Variants in PSMA1 observed in about 807,000 individuals in gnomAD.
PSMA1 encodes proteasome subunit alpha type-1.
In PSMA1, 3 loss-of-function variants were observed where a neutral mutation model predicts 38.4. The ratio of observed to expected loss-of-function variants is 0.08; its 90% CI spans 0.04 to 0.20. The LOEUF is 0.20. PSMA1 is among the 10% of genes least tolerant of loss of function. PSMA1 has a pLI of 1.00. For missense variants in PSMA1, 227 were observed against 325.3 expected (o/e 0.70, Z 2.32); for synonymous variants, 101 against 107.1 (o/e 0.94, Z 0.35).
intron 1 of PSMA1, among the ~76,000 whole-genome samples, chr11:14,641,289 C>G (rs1853198214): frequency 6.6e-6 from 1 of 151,624 alleles, no homozygotes. Context: ...TTTTTCATGA[C>G]AGATAATGGT....
chr11:14,521,334 T>TAA (rs3053227), upstream of PSMA1, among the ~76,000 whole-genome samples: 19 of 144,170 alleles, frequency 1.3e-4, no homozygotes, highest in African/African-American at 2.6e-4. Context: ...ATAAGAATAA[T>TAA]AAAAAAAAAA....
chr11:14,638,531 CTCTCTCTCTCTCTCTATATA>C (rs1233872961), intron 1 of PSMA1, among the ~76,000 whole-genome samples: 25 of 28,934 alleles, frequency 8.6e-4, no homozygotes, highest in Non-Finnish European at 1.4e-3. Context: ...CTCTCTCTCT[CTCTCTCTCTCTCTCTATATA>C]TATATATATA....
chr11:14,590,401 T>G (rs1224760692), intron 2 of PSMA1, among the ~76,000 whole-genome samples: 2 of 152,124 alleles, frequency 1.3e-5, no homozygotes, highest in Non-Finnish European at 2.9e-5. Flanking sequence ...GTTTGTTAGT[T>G]TTCAAAAGAG....
In PSMA1 at chr11:14,569,862, G is replaced by C. The variant is rs542894071; in HGVS notation, c.21+41104C>G. ...GTCTGACAGCTTTGAAGAGAGTAGTGGTTCTCCCAGCATGGAGTTTGAGAT... is the reference window on the plus strand; with the variant it reads ...GTCTGACAGCTTTGAAGAGAGTAGTCGTTCTCCCAGCATGGAGTTTGAGAT... On this transcript the variant is annotated intron_variant, in intron 2 of 10. Coordinates refer to the PSMA1 transcript ENST00000418988. 2.0e-5 allele frequency among the ~76,000 whole-genome samples: 3 copies of C among 152,304 alleles called. No individual in the cohort carries two copies. In the East Asian group the frequency reaches 5.8e-4, roughly 29 times the overall value.
intron 5 of PSMA1, chr11:14,514,159 G>C: frequency 7.5e-7 from 1 of 1,336,270 alleles, no homozygotes; most frequent in Non-Finnish European, 9.6e-7. Flanking sequence ...GGGACATCTA[G>C]AACCATTAAG....
upstream of PSMA1, chr11:14,520,552 A>G (rs1194801313): frequency 1.5e-6 from 2 of 1,301,492 alleles, no homozygotes; most frequent in Non-Finnish European, 2.0e-6. Flanking sequence ...CCTGGCTGGG[A>G]GTGCCGGCGG....
intron 1 of PSMA1, among the ~76,000 whole-genome samples, chr11:14,638,533 C>A (rs1414030862): frequency 3.5e-5 from 1 of 28,972 alleles, no homozygotes; most frequent in Non-Finnish European, 6.4e-5. Context: ...CTCTCTCTCT[C>A]TCTCTCTCTC....
At chr11:14,596,638 T>C (rs529156247) in intron 2 of PSMA1, among the ~76,000 whole-genome samples, 1 of 152,340 alleles carries the variant, frequency 6.6e-6, no homozygotes, top group Non-Finnish European at 1.5e-5. Context: ...CTTAAGGAGA[T>C]TTTGGGCTGA....
At chr11:14,580,015 T>C (rs1852265114) in intron 2 of PSMA1, among the ~76,000 whole-genome samples, 1 of 152,146 alleles carries the variant, frequency 6.6e-6, no homozygotes, top group Non-Finnish European at 1.5e-5. Context: ...ATTGGGTTGA[T>C]CTGAAGAACC....
At chr11:14,523,190 A>T (rs1167716517), upstream of PSMA1, among the ~76,000 whole-genome samples, 3 of 152,208 alleles carry the variant, frequency 2.0e-5, no homozygotes, top group Non-Finnish European at 2.9e-5. Flanking sequence ...CCAAGGGCTT[A>T]TTAAAGGTTT....
intron 2 of PSMA1, among the ~76,000 whole-genome samples, chr11:14,587,416 C>G (rs1852360527): frequency 6.6e-6 from 1 of 152,220 alleles, no homozygotes; most frequent in South Asian, 2.1e-4. Context: ...CTTCTGGGCT[C>G]TGGTGACAAC....
chr11:14,541,683 C>A lies in PSMA1; in HGVS notation c.22-22642G>T, dbSNP rs538187203. Reference sequence around the variant, plus strand: ...AAGAGGCACTAGGGAGAGAAAAGTGCAAGTCTGAGCCTCTTAGGAGTTCCC... The same window carrying A: ...AAGAGGCACTAGGGAGAGAAAAGTGAAAGTCTGAGCCTCTTAGGAGTTCCC... On this transcript the variant is annotated intron_variant, in intron 2 of 10. Transcript: ENST00000418988. Among the ~76,000 whole-genome samples the A allele has an allele frequency of 2.0e-5, 3 of 152,340 alleles. No individual in the cohort carries two copies. In the East Asian group the frequency reaches 5.8e-4, roughly 29 times the overall value.
chr11:14,575,675 T>C (rs374751527), intron 2 of PSMA1, among the ~76,000 whole-genome samples: 1 of 152,296 alleles, frequency 6.6e-6, no homozygotes, highest in South Asian at 2.1e-4. Flanking sequence ...GACATTTGGG[T>C]TGGTTCCAAG....
chr11:14,536,058 CA>C (rs1240233844), intron 2 of PSMA1, among the ~76,000 whole-genome samples: 4 of 152,166 alleles, frequency 2.6e-5, no homozygotes, highest in Non-Finnish European at 5.9e-5. Flanking sequence ...CAAGCACTTT[CA>C]GCCACCAATA....
intron 9 of PSMA1, 57 bp from the exon 10 acceptor site, chr11:14,505,305 C>T (rs1851227942): frequency 2.3e-6 from 3 of 1,315,622 alleles, no homozygotes; most frequent in Non-Finnish European, 3.3e-6. Context: ...TCAATATACA[C>T]ATCTAATCAC....
At chr11:14,569,991 G>T (rs764809753) in intron 2 of PSMA1, among the ~76,000 whole-genome samples, 16 of 152,192 alleles carry the variant, frequency 1.1e-4, no homozygotes, top group Non-Finnish European at 2.4e-4. Flanking sequence ...ATACAGGCAG[G>T]TAGCCCTCTG....
At chr11:14,580,385 C>T (rs991899740) in intron 2 of PSMA1, among the ~76,000 whole-genome samples, 6 of 152,144 alleles carry the variant, frequency 3.9e-5, no homozygotes, top group Non-Finnish European at 7.4e-5. Context: ...TGGATAATTC[C>T]TGCTACACCT....
At chr11:14,509,590 AG>A (rs1851306870) in intron 8 of PSMA1, among the ~76,000 whole-genome samples, 1 of 151,450 alleles carries the variant, frequency 6.6e-6, no homozygotes, top group Non-Finnish European at 1.5e-5. Flanking sequence ...TAATAGAGAC[AG>A]GGTTTCATCG....
chr11:14,518,884 C>A, intron 2 of PSMA1, 113 bp downstream of exon 2: 1 of 845,080 alleles, frequency 1.2e-6, no homozygotes, highest in Non-Finnish European at 1.8e-6. Context: ...CTTCCAAGAA[C>A]GTCTAAAATA....
Sources: gnomAD v4.1 joint callset for allele counts (sites outside exome capture counted in the v4.1 genomes callset) on GRCh38, gnomAD v4.1.1 for gene constraint, MANE v1.5 for transcripts, NCBI Gene and HGNC (gene_info 2026-07-23, HGNC 2026-07-21) for gene names.